Variants in AGMO observed in about 807,000 individuals in gnomAD.
AGMO encodes alkylglycerol monooxygenase, also known as glyceryl-ether monooxygenase.
A neutral mutation model predicts 60.2 loss-of-function variants in AGMO; 75 were observed. The ratio of observed to expected loss-of-function variants is 1.25; its 90% confidence interval spans 1.03 to 1.51. The LOEUF (loss-of-function observed/expected upper bound fraction) is 1.51, where lower values mean the gene tolerates loss of function less well. Among genes scored for constraint, AGMO ranks in the 40% most tolerant of loss-of-function variants. The pLI is 0.00. For missense variants in AGMO, 763 were observed against 525.5 expected (o/e 1.45, Z -4.42); for synonymous variants, 261 against 177.1 (o/e 1.47, Z -3.76).
At chr7:15,241,465 A>G (rs1453758200) in intron 12 of AGMO, among the ~76,000 whole-genome samples, 103 of 112,946 alleles carry the variant, frequency 9.1e-4, no homozygotes, top group African/African-American at 3.1e-3. Context: ...GTCTCAAAAA[A>G]AAAAAAAAAA....
chr7:15,521,743 A>T (rs2128535979), intron 3 of AGMO, among the ~76,000 whole-genome samples: 1 of 152,340 alleles, frequency 6.6e-6, no homozygotes, highest in African/African-American at 2.4e-5. Flanking sequence ...CCAATATCAT[A>T]CTGAATGGGC....
chr7:15,544,385 A>C (rs1784715917), intron 3 of AGMO, among the ~76,000 whole-genome samples: 1 of 152,116 alleles, frequency 6.6e-6, no homozygotes, highest in Non-Finnish European at 1.5e-5. Context: ...AATTAAACAC[A>C]AACAAAAAAA....
intron 12 of AGMO, among the ~76,000 whole-genome samples, chr7:15,305,264 A>G (rs942762138): frequency 8.6e-5 from 13 of 150,500 alleles, no homozygotes; most frequent in Non-Finnish European, 1.5e-4. Flanking sequence ...AAAAAGTTTG[A>G]TAGGACAGGA....
Position 15,280,831 on chromosome 7 carries a change from T to C in AGMO, c.1264-79472A>G, listed in dbSNP as rs528597986. Among the ~76,000 whole-genome samples, 171 of 152,274 alleles carry C rather than the reference T, an allele frequency of 1.1e-3. No homozygotes were observed. In the Middle Eastern group the frequency reaches 0.02, roughly 18 times the overall value. On this transcript the variant is annotated intron_variant, in intron 12 of 12. Coordinates refer to ENST00000342526, the MANE Select transcript of AGMO (RefSeq NM_001004320.2). ...TGTGACCAGTTCATTACTACTACAA[T>C]CAGTATCTGAGAAAGCCAACACACT...
At chr7:15,274,485 T>C (rs991632571) in intron 12 of AGMO, among the ~76,000 whole-genome samples, 1 of 152,242 alleles carries the variant, frequency 6.6e-6, no homozygotes, top group African/African-American at 2.4e-5. Context: ...TCATGGTGGA[T>C]AAGCTTTTTG....
chr7:15,476,629 T>A (rs1303645259), intron 3 of AGMO, among the ~76,000 whole-genome samples: 4 of 152,146 alleles, frequency 2.6e-5, no homozygotes, highest in Non-Finnish European at 5.9e-5. Flanking sequence ...CTGTTTAATT[T>A]GCAGTCTCTA....
intron 2 of AGMO, 98 bp from the exon 3 acceptor site, chr7:15,545,021 T>TA: frequency 1.1e-6 from 1 of 876,478 alleles, no homozygotes; most frequent in Middle Eastern, 4.0e-4. Flanking sequence ...TATCTTCATA[T>TA]AAAAAAATGA....
At chr7:15,467,166 G>A (rs192081522) in intron 3 of AGMO, among the ~76,000 whole-genome samples, 9 of 152,146 alleles carry the variant, frequency 5.9e-5, no homozygotes, top group South Asian at 4.1e-4. Context: ...TATGGAAAAC[G>A]CAATCCAGAC....
In AGMO at chr7:15,529,829, A is replaced by AGG. The variant is rs1562555423; in HGVS notation, c.409+14942_409+14943insCC. Reference sequence around the variant, plus strand: ...ATATTCTATATATATATTTCCATATATATTCTATATACATATTTCCATATA... The same window carrying AGG: ...ATATTCTATATATATATTTCCATATAGGTATTCTATATACATATTTCCATATA... On this transcript the variant is annotated intron_variant, in intron 3 of 12. Transcript: ENST00000342526. 3.7e-4 allele frequency among the ~76,000 whole-genome samples: 2 copies of AGG among 5,386 alleles called. 1 individual carries two copies. Among genetic ancestry groups the AGG allele is most frequent in the Admixed American group, 5.6e-3 (2 of 358 alleles). 3.5% of individuals were successfully genotyped at this position (5,386 alleles called of 152,430 possible).
At chr7:15,136,578 T>C in the AGMO span, among the ~76,000 whole-genome samples, 37 of 152,140 alleles carry the variant, frequency 2.4e-4, no homozygotes, top group Non-Finnish European at 3.4e-4. Context: ...TCCTTCTCCA[T>C]TGGGTCCAAA....
intron 12 of AGMO, among the ~76,000 whole-genome samples, chr7:15,325,479 C>A (rs1274823498): frequency 6.6e-6 from 1 of 151,998 alleles, no homozygotes; most frequent in Non-Finnish European, 1.5e-5. Context: ...GTTTTTTAAA[C>A]AAACTTCTCT....
chr7:15,367,691 G>T (rs1783039847), intron 10 of AGMO, among the ~76,000 whole-genome samples: 1 of 152,054 alleles, frequency 6.6e-6, no homozygotes, highest in South Asian at 2.1e-4. Context: ...ATTAAAAGTG[G>T]ATCAGTAAAT....
chr7:15,264,522 A>G (rs1472610472), intron 12 of AGMO, among the ~76,000 whole-genome samples: 1 of 152,006 alleles, frequency 6.6e-6, no homozygotes, highest in Non-Finnish European at 1.5e-5. Context: ...TATTATTTCT[A>G]TTCTCATTTA....
At chr7:15,299,836 C>CATACACAT (rs34747122) in intron 12 of AGMO, among the ~76,000 whole-genome samples, 2 of 111,196 alleles carry the variant, frequency 1.8e-5, no homozygotes, top group African/African-American at 4.3e-5. Flanking sequence ...TACATACACA[C>CATACACAT]ACACACACAC....
intron 3 of AGMO, among the ~76,000 whole-genome samples, chr7:15,488,090 A>G (rs1490628799): frequency 6.6e-6 from 1 of 152,204 alleles, no homozygotes; most frequent in Admixed American, 6.5e-5. Context: ...TTGCTGGCCC[A>G]TAAGCAAAGA....
intron 5 of AGMO, among the ~76,000 whole-genome samples, chr7:15,395,568 C>G (rs1404385356): frequency 6.6e-6 from 1 of 152,034 alleles, no homozygotes; most frequent in Admixed American, 6.6e-5. Context: ...TACACGACAG[C>G]TGATCCAGAT....
At chr7:15,515,767 A>G (rs1273860011) in intron 3 of AGMO, among the ~76,000 whole-genome samples, 1 of 152,204 alleles carries the variant, frequency 6.6e-6, no homozygotes, top group East Asian at 1.9e-4. Flanking sequence ...GTCCTGTAGG[A>G]TTTATAAGCA....
chr7:15,145,320 C>T, the AGMO span, among the ~76,000 whole-genome samples: 1 of 151,686 alleles, frequency 6.6e-6, no homozygotes, highest in East Asian at 1.9e-4. Flanking sequence ...TTATAAAAAT[C>T]CTATAAAATA....
chr7:15,353,184 CT>C (rs1238243232), intron 12 of AGMO, among the ~76,000 whole-genome samples: 1 of 152,106 alleles, frequency 6.6e-6, no homozygotes, highest in African/African-American at 2.4e-5. Flanking sequence ...TTACTTTAAG[CT>C]GCTGCTCGTA....
Sources: allele counts gnomAD v4.1 joint callset (sites outside exome capture counted in the v4.1 genomes callset), GRCh38; gene constraint gnomAD v4.1.1; transcripts MANE v1.5; gene names NCBI Gene and HGNC (gene_info 2026-07-23, HGNC 2026-07-21).